ZNF100: variants seen among roughly 807,000 people sequenced by gnomAD.
ZNF100 encodes zinc finger protein 100.
In ZNF100, 12 loss-of-function variants were observed where a neutral mutation model predicts 15.8. That is an observed-to-expected ratio of 0.76 (90% CI 0.49 to 1.23). The LOEUF (loss-of-function observed/expected upper bound fraction) is 1.23, where lower values mean the gene tolerates loss of function less well. Among genes scored for constraint, ZNF100 ranks in the 50% most tolerant of loss-of-function variants. The pLI is 0.00. For synonymous variants in ZNF100, 226 were observed against 214.8 expected, an observed-to-expected ratio of 1.05 and a Z score of -0.45; for missense variants, 670 against 635.6, an observed-to-expected ratio of 1.05 and a Z score of -0.58.
chr19:21,729,474 C>T (rs890522032), intron 4 of ZNF100, among the ~76,000 whole-genome samples: 3 of 151,358 alleles, frequency 2.0e-5, no homozygotes, highest in Non-Finnish European at 4.4e-5. Context: ...ATGTAAACGA[C>T]GAGTTAATGG....
intron 4 of ZNF100, 62 bp from the exon 5 acceptor site, chr19:21,728,051 A>G (rs749645301): frequency 9.0e-5 from 124 of 1,385,288 alleles, no homozygotes; most frequent in Admixed American, 2.2e-4. Context: ...TACAAATCTA[A>G]CCTCTAATAT....
At position 21,727,945 on chromosome 19, in the gene ZNF100, T is replaced by G. The variant is rs763965681; in HGVS notation, c.367A>C (p.Ile123Leu). 7.7e-6 allele frequency: 12 copies of G among 1,565,916 alleles called. No homozygotes were observed. Among genetic ancestry groups the G allele is most frequent in the Non-Finnish European group, 9.5e-6 (11 of 1,160,218 alleles). ...FPQDLWAEQDIKDSFQEAILK... is the reference protein window; with the variant it reads ...FPQDLWAEQDLKDSFQEAILK... ...ATCGCTTCTTGAAAAGAATCTTTAATGTCCTGCTCTGCCCAAAGGTCTTGG... is the reference window on the plus strand; with the variant it reads ...ATCGCTTCTTGAAAAGAATCTTTAAGGTCCTGCTCTGCCCAAAGGTCTTGG... The change falls in exon 5 of 5, where the codon ATT (isoleucine) becomes CTT (leucine). Residue 123 changes from isoleucine (I) to leucine (L), a missense_variant. Ile to Leu is a conservative substitution (Grantham distance 5). Coordinates refer to ENST00000358296, the MANE Select transcript of ZNF100 (RefSeq NM_173531.4).
In ZNF100 at chr19:21,725,585, AATTGATCAC is replaced by A. The variant is rs1390824439; in HGVS notation, c.*1089_*1097del. The A allele has an allele frequency of 6.6e-6, 1 of 152,142 alleles. No individual in the cohort carries two copies. Among genetic ancestry groups the A allele is most frequent in the Non-Finnish European group, 1.5e-5 (1 of 68,006 alleles). The allele number at this position is 152,142 out of a possible 1,614,324, so 9.4% of individuals were successfully genotyped here. The stretch of plus-strand genomic sequence containing the variant: ...AATCTCTCATATCTGATGCAGCAAC[AATTGATCAC>A]ATGCTTTCACATGTAAATAGGAGTG... On this transcript the variant is annotated 3_prime_UTR_variant, in exon 5 of 5. Transcript: ENST00000358296.
In ZNF100 at chr19:21,766,455, T is replaced by A. The variant is rs918790527; in HGVS notation, c.4-669A>T. Among the ~76,000 whole-genome samples, 75 of 151,810 alleles carry A rather than the reference T, an allele frequency of 4.9e-4. 1 individual carries two copies. Among genetic ancestry groups the A allele is most frequent in the Admixed American group, 3.5e-3 (53 of 15,240 alleles). ...ATCTAACTCAGGTGCATTTTTTTTT[T>A]AATTACTACATTCAGAGAAAATGTA... On this transcript the variant is annotated intron_variant, in intron 1 of 4. Transcript: ENST00000358296.
chr19:21,744,563 G>A (rs1568301888), intron 3 of ZNF100, among the ~76,000 whole-genome samples: 1 of 151,880 alleles, frequency 6.6e-6, no homozygotes, highest in African/African-American at 2.4e-5. Flanking sequence ...GTAGAAATGG[G>A]GTTTCACTTT....
intron 2 of ZNF100, among the ~76,000 whole-genome samples, chr19:21,765,273 A>AT (rs1190913927): frequency 6.6e-6 from 1 of 152,208 alleles, no homozygotes; most frequent in Non-Finnish European, 1.5e-5. Flanking sequence ...TGCTGATTAA[A>AT]TAACAGATGT....
intron 4 of ZNF100, among the ~76,000 whole-genome samples, chr19:21,737,666 A>G (rs572161732): frequency 6.6e-6 from 1 of 152,334 alleles, no homozygotes; most frequent in Non-Finnish European, 1.5e-5. Context: ...CACCCTCCCA[A>G]GACTGAACCA....
At chr19:21,766,762 G>A (rs2036569792) in intron 1 of ZNF100, among the ~76,000 whole-genome samples, 1 of 152,122 alleles carries the variant, frequency 6.6e-6, no homozygotes, top group Non-Finnish European at 1.5e-5. Flanking sequence ...AGGAGGCCAA[G>A]GCGGGCGGAT....
intron 4 of ZNF100, among the ~76,000 whole-genome samples, chr19:21,741,775 A>G (rs574827620): frequency 6.6e-6 from 1 of 152,090 alleles, no homozygotes; most frequent in East Asian, 1.9e-4. Flanking sequence ...TTCCAGGCTC[A>G]AGTAATTCTC....
At chr19:21,746,278 T>C (rs1368667872) in intron 2 of ZNF100, among the ~76,000 whole-genome samples, 1 of 152,222 alleles carries the variant, frequency 6.6e-6, no homozygotes, top group African/African-American at 2.4e-5. Context: ...AAGTTCAAGA[T>C]ACAGGTATCT....
intron 1 of ZNF100, among the ~76,000 whole-genome samples, chr19:21,766,871 G>T (rs574721202): frequency 2.0e-5 from 3 of 152,260 alleles, no homozygotes; most frequent in Admixed American, 1.3e-4. Context: ...ACAGGCGCCT[G>T]TAATCCCAGT....
intron 2 of ZNF100, among the ~76,000 whole-genome samples, chr19:21,745,878 G>T (rs1416769877): frequency 6.6e-6 from 1 of 152,154 alleles, no homozygotes; most frequent in Non-Finnish European, 1.5e-5. Flanking sequence ...GGCCCCAAAA[G>T]AAAATTCTGT....
chr19:21,723,435 A>G lies in ZNF100; in HGVS notation c.*3248T>C, dbSNP rs2035718350. ...AAAGTACCATGTGAAATGAAATGGC[A>G]TTAAGACAACAGTGAGAAAACTGAA... On this transcript the variant is annotated 3_prime_UTR_variant, in exon 5 of 5. Transcript: ENST00000358296. The G allele has an allele frequency of 6.6e-6, 1 of 152,028 alleles. No individual in the cohort carries two copies. Among genetic ancestry groups the G allele is most frequent in the Admixed American group, 6.6e-5 (1 of 15,246 alleles). 9.4% of individuals were successfully genotyped at this position (152,028 alleles called of 1,614,324 possible). A position where few individuals can be genotyped will look rare whatever the true frequency, so the allele number is the denominator to read the frequency against.
chr19:21,765,892 C>A (rs2036551603), intron 1 of ZNF100, 106 bp from the exon 2 acceptor site: 2 of 1,124,398 alleles, frequency 1.8e-6, no homozygotes, highest in East Asian at 2.4e-5. Context: ...AACCCAGGAC[C>A]AGGAAAAAAC....
At chr19:21,730,283 C>T (rs2035889274) in intron 4 of ZNF100, among the ~76,000 whole-genome samples, 1 of 151,790 alleles carries the variant, frequency 6.6e-6, no homozygotes, top group African/African-American at 2.4e-5. Flanking sequence ...GTAGATATTG[C>T]ATGTAAATAT....
At chr19:21,738,646 G>C (rs1599385038) in intron 4 of ZNF100, among the ~76,000 whole-genome samples, 2 of 152,176 alleles carry the variant, frequency 1.3e-5, no homozygotes, top group Middle Eastern at 6.8e-3. Context: ...GTAAGAAAAA[G>C]AGCAAGTGTA....
intron 4 of ZNF100, among the ~76,000 whole-genome samples, chr19:21,740,279 T>C (rs868288453): frequency 2.0e-5 from 3 of 152,218 alleles, no homozygotes; most frequent in Middle Eastern, 3.2e-3. Flanking sequence ...ACTGATAAAG[T>C]TGGATCATTT....
At chr19:21,764,907 C>A (rs968207449) in intron 2 of ZNF100, among the ~76,000 whole-genome samples, 1 of 152,094 alleles carries the variant, frequency 6.6e-6, no homozygotes, top group African/African-American at 2.4e-5. Flanking sequence ...TTATCCACCA[C>A]ATTTTCTTGT....
chr19:21,728,208 A>C (rs1486213699), intron 4 of ZNF100, among the ~76,000 whole-genome samples: 1 of 151,936 alleles, frequency 6.6e-6, no homozygotes, highest in Non-Finnish European at 1.5e-5. Flanking sequence ...CCCTGGTGAG[A>C]ACAATGCAAA....
Sources: allele counts gnomAD v4.1 joint callset (sites outside exome capture counted in the v4.1 genomes callset), GRCh38; gene constraint gnomAD v4.1.1; transcripts MANE v1.5; gene names NCBI Gene and HGNC (gene_info 2026-07-23, HGNC 2026-07-21).